The following KATNIP variants were observed in gnomAD, a reference collection of about 807,000 sequenced individuals.
The protein encoded by KATNIP is katanin interacting protein.
KATNIP carries 126 observed loss-of-function variants against 174.0 expected under a neutral mutation model. The observed-to-expected ratio is 0.72, with a 90% CI of 0.63 to 0.84. The LOEUF is 0.84. Among genes scored for constraint, KATNIP ranks in the 40% least tolerant of loss-of-function variants. The pLI is 0.00. For missense variants in KATNIP, 1,958 were observed against 2,109.7 expected (o/e 0.93, Z 1.41); for synonymous variants, 810 against 835.7 (o/e 0.97, Z 0.53).
chr16:27,762,934 C>T (rs1344107085), intron 19 of KATNIP, among the ~76,000 whole-genome samples: 1 of 152,202 alleles, frequency 6.6e-6, no homozygotes, highest in African/African-American at 2.4e-5. Flanking sequence ...AATCCCAGGC[C>T]TGATAGCATT....
At chr16:27,720,915 A>G (rs1214932540) in intron 13 of KATNIP, among the ~76,000 whole-genome samples, 1 of 152,140 alleles carries the variant, frequency 6.6e-6, no homozygotes. Flanking sequence ...TCTGTACCCA[A>G]AGCACTCATG....
intron 6 of KATNIP, 110 bp downstream of exon 6, chr16:27,648,845 C>T (rs1022490601): frequency 4.4e-5 from 54 of 1,224,226 alleles, no homozygotes; most frequent in Non-Finnish European, 5.7e-5. Flanking sequence ...GTCCTTCACT[C>T]GCCGCTGTGT....
chr16:27,670,182 T>C (rs1251521836), intron 6 of KATNIP, among the ~76,000 whole-genome samples: 3 of 152,232 alleles, frequency 2.0e-5, no homozygotes, highest in East Asian at 3.8e-4. Context: ...TAAAAAACTC[T>C]AGTTTCCATT....
At chr16:27,581,486 C>G (rs4787974) in intron 2 of KATNIP, among the ~76,000 whole-genome samples, 128,494 of 152,208 alleles carry the variant, frequency 0.84, 54,348 homozygotes, top group East Asian at 1. Context: ...CCACAATGGA[C>G]CCATTCAGTG....
intron 7 of KATNIP, among the ~76,000 whole-genome samples, chr16:27,680,997 T>C (rs558120906): frequency 6.6e-6 from 1 of 152,166 alleles, no homozygotes; most frequent in Non-Finnish European, 1.5e-5. Context: ...ACCCAGCCTA[T>C]TTTGTTCATT....
chr16:27,562,589 T>C (rs1317323575), intron 1 of KATNIP, among the ~76,000 whole-genome samples: 5 of 152,216 alleles, frequency 3.3e-5, no homozygotes, highest in Non-Finnish European at 5.9e-5. Context: ...TACATACCCA[T>C]GCACGTTTTC....
At chr16:27,594,849 A>G (rs1046757463) in intron 2 of KATNIP, among the ~76,000 whole-genome samples, 1 of 152,222 alleles carries the variant, frequency 6.6e-6, no homozygotes, top group Non-Finnish European at 1.5e-5. Context: ...CCAGTTTATC[A>G]GTTGCTGTGA....
intron 21 of KATNIP, among the ~76,000 whole-genome samples, 166 bp from the exon 22 acceptor site, chr16:27,771,422 G>A (rs1389209408): frequency 3.3e-5 from 5 of 152,166 alleles, no homozygotes; most frequent in African/African-American, 1.2e-4. Context: ...CTGTCATCTA[G>A]AGCGGGAACT....
At position 27,777,952 on chromosome 16, in the gene KATNIP, A is replaced by G; in HGVS notation, c.4784A>G (p.Gln1595Arg). 6.2e-7 allele frequency: 1 copy of G among 1,614,096 alleles called. No homozygotes were observed. The highest frequency in any genetic ancestry group is 1.1e-5 in the South Asian group (1 of 91,082). Reference sequence around the variant, plus strand: ...ATCATTACCAACGCGAAACGGAAGCAGAGCGTTGTTGACCCAGGTCAGTGG... The same window carrying G: ...ATCATTACCAACGCGAAACGGAAGCGGAGCGTTGTTGACCCAGGTCAGTGG... ...NQIITNAKRK[Q>R]SVVDPALRPK... The change falls in exon 27 of 28, where the codon CAG (glutamine) becomes CGG (arginine). Residue 1595 changes from glutamine (Q) to arginine (R), a missense_variant. Transcript: ENST00000261588. This position sits in a 1 kb window ranked among gnomAD's most constrained non-coding sequence, Gnocchi z 4.4.
chr16:27,752,361 AG>A (rs1361933523), intron 17 of KATNIP, among the ~76,000 whole-genome samples: 1 of 152,222 alleles, frequency 6.6e-6, no homozygotes, highest in Admixed American at 6.5e-5. Flanking sequence ...TGATCCAAGC[AG>A]GGTACACAGT....
rs2078335512 is a variant in KATNIP, at chr16:27,681,434, A to G, written c.844A>G (p.Lys282Glu). 3.1e-6 allele frequency: 5 copies of G among 1,614,120 alleles called. No individual in the cohort carries two copies. In the South Asian group the frequency reaches 4.4e-5, roughly 14 times the overall value. ...KRERNLSAKR[K>E]DNAEVFVPTK... ...GGAAAGGAATTTGTCTGCAAAGCGG[A>G]AGGACAATGCTGAGGTTTTCGTTCC... The change falls in exon 8 of 28, where the codon AAG becomes GAG. Residue 282 changes from lysine to glutamate, a missense_variant. Transcript: ENST00000261588.
In KATNIP at chr16:27,749,581, C is replaced by A; in HGVS notation, c.2624-3C>A. On this transcript the variant is annotated splice_region_variant and splice_polypyrimidine_tract_variant and intron_variant, in intron 15 of 27. Transcript: ENST00000261588. ...TTCCCCCCTCTTGTGTCCTTTCTTCCAGAAGACACCTGGTCTTCCAGGACG... is the reference window on the plus strand; with the variant it reads ...TTCCCCCCTCTTGTGTCCTTTCTTCAAGAAGACACCTGGTCTTCCAGGACG... 1 of 1,525,316 alleles carries A rather than the reference C, an allele frequency of 6.6e-7. No individual in the cohort carries two copies. The allele number at this position is 1,525,316 out of a possible 1,614,324, so 94.5% of individuals were successfully genotyped here.
At position 27,777,842 on chromosome 16, in the gene KATNIP, G is replaced by A. The variant is rs769342487; in HGVS notation, c.4713-39G>A. ...GATGGATGGCTGGGACACACGGCCA[G>A]GAGCCTGATCGAATCTTGTGTTTCC... On this transcript the variant is annotated intron_variant, in intron 26 of 27. Coordinates refer to ENST00000261588, the MANE Select transcript of KATNIP (RefSeq NM_015202.5). This position sits in a 1 kb window ranked among gnomAD's most constrained non-coding sequence, Gnocchi z 4.4. 1.3e-4 allele frequency: 214 copies of A among 1,612,772 alleles called. No individual in the cohort carries two copies. The highest frequency in any genetic ancestry group is 1.8e-4 in the Non-Finnish European group (210 of 1,178,862).
rs1174902751 is a variant in KATNIP, at chr16:27,776,214, G to T, written c.4450-714G>T. Among the ~76,000 whole-genome samples, 1 of 152,184 alleles carries T rather than the reference G, an allele frequency of 6.6e-6. No homozygotes were observed. Among genetic ancestry groups the T allele is most frequent in the Non-Finnish European group, 1.5e-5 (1 of 68,038 alleles). On this transcript the variant is annotated intron_variant, in intron 24 of 27. Coordinates refer to ENST00000261588, the MANE Select transcript of KATNIP (RefSeq NM_015202.5). The surrounding 1 kb of genome is among the most constrained non-coding windows in gnomAD (Gnocchi z 4.7). ...CGCACTCCCTCTTGGCATATTCTGA[G>T]GATGGTCACAGGCTGGGGACCAGGG...
chr16:27,775,198 A>C, intron 24 of KATNIP, 114 bp downstream of exon 24: 1 of 1,300,406 alleles, frequency 7.7e-7, no homozygotes, highest in Non-Finnish European at 1.1e-6. Flanking sequence ...TCTCAAGCCA[A>C]GATGCTTGGG....
At chr16:27,741,379 G>A (rs777599614) in intron 15 of KATNIP, among the ~76,000 whole-genome samples, 35 of 151,574 alleles carry the variant, frequency 2.3e-4, no homozygotes, top group Non-Finnish European at 4.4e-4. Flanking sequence ...TCGAGGCTAC[G>A]GTGAGCCATG....
chr16:27,615,039 G>A (rs190842000), intron 2 of KATNIP, among the ~76,000 whole-genome samples: 32 of 152,330 alleles, frequency 2.1e-4, no homozygotes, highest in Admixed American at 1.7e-3. Flanking sequence ...GAGGGCACAG[G>A]GTGAAGGCTA....
At chr16:27,695,091 G>T (rs2078868756) in intron 8 of KATNIP, among the ~76,000 whole-genome samples, 1 of 152,188 alleles carries the variant, frequency 6.6e-6, no homozygotes, top group South Asian at 2.1e-4. Context: ...AGTCCTATTG[G>T]CTCTGTCTCT....
At chr16:27,706,548 C>T (rs1044195448) in intron 12 of KATNIP, among the ~76,000 whole-genome samples, 1 of 152,232 alleles carries the variant, frequency 6.6e-6, no homozygotes. Context: ...CAGTGTCCCC[C>T]TCCCACCGCC....
Sources: allele counts gnomAD v4.1 joint callset (sites outside exome capture counted in the v4.1 genomes callset), GRCh38; gene constraint gnomAD v4.1.1; non-coding constraint Gnocchi (gnomAD v3.1); transcripts MANE v1.5; gene names NCBI Gene and HGNC (gene_info 2026-07-23, HGNC 2026-07-21).